The following OSBPL3 variants were observed in gnomAD, a reference collection of about 807,000 sequenced individuals.
OSBPL3 encodes the protein oxysterol binding protein like 3.
OSBPL3 carries 65 observed loss-of-function variants against 120.1 expected under a neutral mutation model. That is an observed-to-expected ratio of 0.54 (90% CI 0.44 to 0.67). OSBPL3 has a LOEUF of 0.67. OSBPL3 is among the 30% of genes least tolerant of loss of function. OSBPL3 has a pLI of 0.00. For synonymous variants in OSBPL3, 416 were observed against 402.6 expected, an observed-to-expected ratio of 1.03 and a Z score of -0.40; for missense variants, 1,004 against 1,082.1, an observed-to-expected ratio of 0.93 and a Z score of 1.01.
rs1488836042 is a variant in OSBPL3, at chr7:24,824,897, A to G, written c.1885-4659T>C. ...GAAGTTAACCATGCAGATATCTGAG[A>G]GAAGCACGTCCCAGGCAGGGGACAC... On this transcript the variant is annotated intron_variant, in intron 16 of 22. Transcript: ENST00000313367. This position sits in a 1 kb window ranked among gnomAD's most constrained non-coding sequence, Gnocchi z 4.9. 6.6e-6 allele frequency among the ~76,000 whole-genome samples: 1 copy of G among 152,208 alleles called. No homozygotes were observed. Among genetic ancestry groups the G allele is most frequent in the Non-Finnish European group, 1.5e-5 (1 of 68,032 alleles).
At chr7:24,848,041 G>T (rs969522564) in intron 12 of OSBPL3, among the ~76,000 whole-genome samples, 1 of 152,220 alleles carries the variant, frequency 6.6e-6, no homozygotes, top group Admixed American at 6.5e-5. Context: ...TGAGGCTCAT[G>T]GGAGTGGATG....
At chr7:24,934,352 A>G (rs981884849) in intron 1 of OSBPL3, among the ~76,000 whole-genome samples, 1 of 152,188 alleles carries the variant, frequency 6.6e-6, no homozygotes, top group African/African-American at 2.4e-5. Context: ...CAAAGACACA[A>G]TAATAGCCGG....
chr7:24,816,518 A>G (rs1562768023), intron 18 of OSBPL3, 92 bp downstream of exon 18: 1 of 779,938 alleles, frequency 1.3e-6, no homozygotes, highest in African/African-American at 1.8e-5. Flanking sequence ...ACTCAATGCA[A>G]CTGCCGGGGG....
intron 1 of OSBPL3, among the ~76,000 whole-genome samples, chr7:24,950,444 C>T (rs558798841): frequency 3.9e-5 from 6 of 152,340 alleles, no homozygotes; most frequent in Non-Finnish European, 8.8e-5. Flanking sequence ...ACATGTAGGC[C>T]GGGCGCGGTG....
chr7:24,892,372 T>C lies in OSBPL3; in HGVS notation c.96+5A>G. The C allele has an allele frequency of 6.2e-7, 1 of 1,612,850 alleles. No individual in the cohort carries two copies. The highest frequency in any genetic ancestry group is 1.3e-5 in the African/African-American group (1 of 75,046). On this transcript the variant is annotated splice_donor_5th_base_variant and intron_variant, in intron 2 of 22. Coordinates refer to ENST00000313367, the MANE Select transcript of OSBPL3 (RefSeq NM_015550.4). ...ATATTAAAATTTGCATGAGTTAAAC[T>C]TTACCTGTCGACTTCCTTGCTTGGA...
rs192867123 is a variant in OSBPL3 at position 24,849,019 on chromosome 7, G to A, written c.1266+50C>T. ...CGTGCAATGGGACAGATGGTATCAC[G>A]GGAGCGGGCGGCAGCTGGGGAGACA... On this transcript the variant is annotated intron_variant, in intron 12 of 22. Transcript: ENST00000313367. This position sits in a 1 kb window ranked among gnomAD's most constrained non-coding sequence, Gnocchi z 5.4. 3.7e-4 allele frequency: 482 copies of A among 1,288,544 alleles called. No homozygotes were observed. Among genetic ancestry groups the A allele is most frequent in the Admixed American group, 1.7e-3 (99 of 58,940 alleles). The allele number at this position is 1,288,544 out of a possible 1,614,324, so 79.8% of individuals were successfully genotyped here.
chr7:24,871,729 C>A lies in OSBPL3; in HGVS notation c.267+13G>T, dbSNP rs1802141304. On this transcript the variant is annotated intron_variant, in intron 4 of 22. Transcript: ENST00000313367. The surrounding 1 kb of genome is among the most constrained non-coding windows in gnomAD (Gnocchi z 4.8). ...ATTCTTCAATACCACAGTGGGCCCA[C>A]AAAAAGACTTACATCGGTTTGGCTC... The A allele has an allele frequency of 6.2e-7, 1 of 1,607,604 alleles. No homozygotes were observed. Among genetic ancestry groups the A allele is most frequent in the African/African-American group, 1.3e-5 (1 of 74,740 alleles).
intron 1 of OSBPL3, 118 bp from the exon 2 acceptor site, chr7:24,892,739 A>C (rs1321109615): frequency 1.2e-5 from 7 of 599,740 alleles, no homozygotes; most frequent in African/African-American, 1.9e-5. Flanking sequence ...ATGTTTAGCT[A>C]TAGCAGGCGC....
rs1484563057 is a variant in OSBPL3 at position 24,959,169 on chromosome 7, G to C, written c.-150+20717C>G. ...AACCATTTTGGAAAACTGTTTGGGG[G>C]AATCAACTGAAGCTAAACATATGTT... is the stretch of plus-strand genomic sequence containing the variant. On this transcript the variant is annotated intron_variant, in intron 1 of 22. Transcript: ENST00000313367. This position sits in a 1 kb window ranked among gnomAD's most constrained non-coding sequence, Gnocchi z 4.3. Among the ~76,000 whole-genome samples, 1 of 152,072 alleles carries C rather than the reference G, an allele frequency of 6.6e-6. No individual in the cohort carries two copies. Among genetic ancestry groups the C allele is most frequent in the Non-Finnish European group, 1.5e-5 (1 of 67,988 alleles).
chr7:24,961,202 C>G (rs1815696591), intron 1 of OSBPL3, among the ~76,000 whole-genome samples: 2 of 152,126 alleles, frequency 1.3e-5, no homozygotes, highest in African/African-American at 4.8e-5. Flanking sequence ...TTAAGGACAT[C>G]TATGTCTTTA....
At position 24,952,432 on chromosome 7, in the gene OSBPL3, G is replaced by A. The variant is rs1477305065; in HGVS notation, c.-150+27454C>T. Among the ~76,000 whole-genome samples the A allele has an allele frequency of 1.3e-5, 2 of 152,124 alleles. No individual in the cohort carries two copies. The highest frequency in any genetic ancestry group is 2.9e-5 in the Non-Finnish European group (2 of 68,022). On this transcript the variant is annotated intron_variant, in intron 1 of 22. Coordinates refer to ENST00000313367, the MANE Select transcript of OSBPL3 (RefSeq NM_015550.4). This position sits in a 1 kb window ranked among gnomAD's most constrained non-coding sequence, Gnocchi z 4.4. Reference sequence around the variant, plus strand: ...TCAATACAATGCCCTGTAGCAAACCGAAACCTCAGAAACCTCAGAAGGTAT... The same window carrying A: ...TCAATACAATGCCCTGTAGCAAACCAAAACCTCAGAAACCTCAGAAGGTAT...
chr7:24,826,511 T>A (rs1317404599), intron 16 of OSBPL3, among the ~76,000 whole-genome samples: 1 of 152,040 alleles, frequency 6.6e-6, no homozygotes. Flanking sequence ...GCATAGTCAC[T>A]GAGTCCACAC....
Position 24,855,205 on chromosome 7 carries a change from A to G in OSBPL3, c.1028-2571T>C, listed in dbSNP as rs1460030128. Among the ~76,000 whole-genome samples, 1 of 152,092 alleles carries G rather than the reference A, an allele frequency of 6.6e-6. No individual in the cohort carries two copies. Among genetic ancestry groups the G allele is most frequent in the Admixed American group, 6.5e-5 (1 of 15,268 alleles). On this transcript the variant is annotated intron_variant, in intron 10 of 22. Coordinates refer to ENST00000313367, the MANE Select transcript of OSBPL3 (RefSeq NM_015550.4). The surrounding 1 kb of genome is among the most constrained non-coding windows in gnomAD (Gnocchi z 4.3). ...CCCCTCCCCTGCCTGCCACACACAC[A>G]GGATGCCCATGGCCATCTCAGTGGG...
At position 24,802,149 on chromosome 7, in the gene OSBPL3, C is replaced by G. The variant is rs1265217087; in HGVS notation, c.2568-1870G>C. On this transcript the variant is annotated intron_variant, in intron 22 of 22. Coordinates refer to ENST00000313367, the MANE Select transcript of OSBPL3 (RefSeq NM_015550.4). The surrounding 1 kb of genome is among the most constrained non-coding windows in gnomAD (Gnocchi z 4.1). ...CACTTGTTTCCCTATTCCAGTAACACTATATGTTTAAAAATGAGTCAATCT... is the reference window on the plus strand; with the variant it reads ...CACTTGTTTCCCTATTCCAGTAACAGTATATGTTTAAAAATGAGTCAATCT... Among the ~76,000 whole-genome samples, 2 of 152,288 alleles carry G rather than the reference C, an allele frequency of 1.3e-5. No individual in the cohort carries two copies. Among genetic ancestry groups the G allele is most frequent in the Admixed American group, 1.3e-4 (2 of 15,300 alleles).
rs529662465 is a variant in OSBPL3, at chr7:24,830,294, C to T, written c.1884+474G>A. On this transcript the variant is annotated intron_variant, in intron 16 of 22. Coordinates refer to ENST00000313367, the MANE Select transcript of OSBPL3 (RefSeq NM_015550.4). This position sits in a 1 kb window ranked among gnomAD's most constrained non-coding sequence, Gnocchi z 4.4. ...GGAACAGTGGCAGGCACATGGTATA[C>T]GTTCTAGAAATAATTTATTGATGTG... Among the ~76,000 whole-genome samples, 27 of 152,140 alleles carry T rather than the reference C, an allele frequency of 1.8e-4. No homozygotes were observed. The highest frequency in any genetic ancestry group is 5.5e-4 in the African/African-American group (23 of 41,498).
At chr7:24,886,234 C>G (rs1405942744) in intron 2 of OSBPL3, among the ~76,000 whole-genome samples, 2 of 152,058 alleles carry the variant, frequency 1.3e-5, no homozygotes, top group African/African-American at 4.8e-5. Flanking sequence ...AAGCTTAGAC[C>G]CAGAATGTGT....
intron 2 of OSBPL3, among the ~76,000 whole-genome samples, chr7:24,880,745 C>G (rs1012222633): frequency 6.6e-6 from 1 of 152,060 alleles, no homozygotes; most frequent in Non-Finnish European, 1.5e-5. Context: ...AGGACCAGGA[C>G]CCAGGTCTTT....
chr7:24,953,365 A>G lies in OSBPL3; in HGVS notation c.-150+26521T>C, dbSNP rs978810497. Among the ~76,000 whole-genome samples the G allele has an allele frequency of 3.9e-5, 6 of 152,190 alleles. No individual in the cohort carries two copies. The highest frequency in any genetic ancestry group is 1.4e-4 in the African/African-American group (6 of 41,440). ...TTCTTTCAAAAAAAATTATACCAGCAGGTTCTAATTTCCTATCCCTGCCAG... is the reference window on the plus strand; with the variant it reads ...TTCTTTCAAAAAAAATTATACCAGCGGGTTCTAATTTCCTATCCCTGCCAG... On this transcript the variant is annotated intron_variant, in intron 1 of 22. Transcript: ENST00000313367. The surrounding 1 kb of genome is among the most constrained non-coding windows in gnomAD (Gnocchi z 4.3).
At position 24,804,451 on chromosome 7, in the gene OSBPL3, G is replaced by GA. The variant is rs541459776; in HGVS notation, c.2445-15dup. 2,034 of 1,560,982 alleles carry GA rather than the reference G, an allele frequency of 1.3e-3. 18 individuals carry two copies. In the African/African-American group the frequency reaches 0.022, roughly 17 times the overall value. On this transcript the variant is annotated splice_polypyrimidine_tract_variant and intron_variant, in intron 21 of 22. Transcript: ENST00000313367. This position sits in a 1 kb window ranked among gnomAD's most constrained non-coding sequence, Gnocchi z 5.4. Reference sequence around the variant, plus strand: ...TCCTCTAGAAACCTGAGGCATCGAGGAAAAAAAAATGAAAGGATATGAATT... The same window carrying GA: ...TCCTCTAGAAACCTGAGGCATCGAGGAAAAAAAAAATGAAAGGATATGAATT...
Sources: gnomAD v4.1 joint callset for allele counts (sites outside exome capture counted in the v4.1 genomes callset) on GRCh38, gnomAD v4.1.1 for gene constraint, Gnocchi (gnomAD v3.1) non-coding constraint, MANE v1.5 for transcripts, NCBI Gene and HGNC (gene_info 2026-07-23, HGNC 2026-07-21) for gene names.